The following ZNF609 variants were observed in gnomAD, a reference collection of about 807,000 sequenced individuals.
ZNF609 encodes zinc finger protein 609.
ZNF609 carries 11 observed loss-of-function variants against 109.5 expected under a neutral mutation model. The observed-to-expected ratio is 0.10, with a 90% CI of 0.06 to 0.17. ZNF609 has a LOEUF of 0.17. ZNF609 is among the 10% of genes least tolerant of loss of function. The probability of loss-of-function intolerance (pLI) is 1.00; values close to 1 mark genes in which losing one functional copy is unlikely to be tolerated. For missense variants in ZNF609, 1,559 were observed against 1,772.4 expected (o/e 0.88, Z 2.16); for synonymous variants, 646 against 662.0 (o/e 0.98, Z 0.37).
At chr15:64,589,111 A>G (rs1895252504) in intron 2 of ZNF609, among the ~76,000 whole-genome samples, 1 of 152,202 alleles carries the variant, frequency 6.6e-6, no homozygotes, top group South Asian at 2.1e-4. Context: ...GATGGAGCCC[A>G]GTGTAGACTG....
At chr15:64,565,037 A>T (rs532760042) in intron 2 of ZNF609, among the ~76,000 whole-genome samples, 1,938 of 145,834 alleles carry the variant, frequency 0.013, 33 homozygotes, top group African/African-American at 0.047. Context: ...TTTAGTAGAG[A>T]CGGGGTTTTC....
intron 3 of ZNF609, among the ~76,000 whole-genome samples, chr15:64,669,642 T>A (rs2141010833): frequency 6.6e-6 from 1 of 152,252 alleles, no homozygotes; most frequent in South Asian, 2.1e-4. Context: ...TAAGGCTACA[T>A]TACCTAGTCA....
chr15:64,614,436 G>A lies in ZNF609; in HGVS notation c.748-8391G>A, dbSNP rs184352547. ...TTTTTAGTAGAGATGGGGTTTCACC[G>A]TGTTAGCCAGGATGGTCTTGATCTC... On this transcript the variant is annotated intron_variant, in intron 2 of 9. Coordinates refer to ENST00000326648, the MANE Select transcript of ZNF609 (RefSeq NM_015042.2). Among the ~76,000 whole-genome samples the A allele has an allele frequency of 3.3e-3, 495 of 151,420 alleles. 1 individual carries two copies. The highest frequency in any genetic ancestry group is 0.011 in the African/African-American group (464 of 41,250).
chr15:64,671,908 T>C lies in ZNF609; in HGVS notation c.1061+1475T>C, dbSNP rs1746719128. ...AGGTATTTTAAAGTTCTTGATTCCA[T>C]ACCACTTTCTTATTCTCAGATGTGA... On this transcript the variant is annotated intron_variant, in intron 4 of 9. Coordinates refer to ENST00000326648, the MANE Select transcript of ZNF609 (RefSeq NM_015042.2). Among the ~76,000 whole-genome samples, 3 of 152,032 alleles carry C rather than the reference T, an allele frequency of 2.0e-5. 1 individual carries two copies. The South Asian group carries it at 6.2e-4, about 32-fold the overall frequency.
chr15:64,682,341 G>A lies in ZNF609; in HGVS notation c.*655G>A, dbSNP rs907733025. 1.3e-5 allele frequency: 2 copies of A among 152,670 alleles called. No homozygotes were observed. Among genetic ancestry groups the A allele is most frequent in the African/African-American group, 4.8e-5 (2 of 41,454 alleles). 9.5% of individuals were successfully genotyped at this position (152,670 alleles called of 1,614,324 possible). On this transcript the variant is annotated 3_prime_UTR_variant, in exon 10 of 10. Transcript: ENST00000326648. Reference sequence around the variant, plus strand: ...AACGCTCACAACCTAGCCTGGAAAGGAAGACCAAGGCATCTGCCCCAACAT... The same window carrying A: ...AACGCTCACAACCTAGCCTGGAAAGAAAGACCAAGGCATCTGCCCCAACAT...
intron 3 of ZNF609, chr15:64,653,118 T>C (rs1012500422): frequency 1.3e-5 from 2 of 152,238 alleles, no homozygotes; most frequent in Middle Eastern, 3.2e-3. Context: ...ATGCCTGATA[T>C]GACAGAGCTG....
intron 2 of ZNF609, among the ~76,000 whole-genome samples, chr15:64,609,666 C>G (rs1038551449): frequency 6.7e-6 from 1 of 149,808 alleles, no homozygotes; most frequent in African/African-American, 2.5e-5. Flanking sequence ...TAAACCAAGG[C>G]TCTTTAAGGT....
At chr15:64,535,261 G>A (rs1204166892) in intron 2 of ZNF609, among the ~76,000 whole-genome samples, 6 of 152,010 alleles carry the variant, frequency 3.9e-5, no homozygotes, top group Admixed American at 3.9e-4. Flanking sequence ...TGTTGCCCGG[G>A]CTGGTCTGGA....
At chr15:64,491,185 A>G (rs1459902850) in intron 1 of ZNF609, among the ~76,000 whole-genome samples, 3 of 152,204 alleles carry the variant, frequency 2.0e-5, no homozygotes, top group East Asian at 3.9e-4. Context: ...GTTTCTCATT[A>G]GAGCCCTAGG....
intron 2 of ZNF609, among the ~76,000 whole-genome samples, chr15:64,600,720 A>T (rs1031453911): frequency 1.3e-5 from 2 of 151,366 alleles, no homozygotes; most frequent in African/African-American, 4.9e-5. Context: ...AAAGGAAGGG[A>T]AAGAAAGAAA....
intron 3 of ZNF609, among the ~76,000 whole-genome samples, chr15:64,641,521 G>T (rs1475460807): frequency 6.6e-6 from 1 of 151,546 alleles, no homozygotes; most frequent in Non-Finnish European, 1.5e-5. Flanking sequence ...GCCTACACTT[G>T]TGCTTTCTTT....
At chr15:64,528,968 G>A (rs1192991799) in intron 2 of ZNF609, 2 of 1,456,192 alleles carry the variant, frequency 1.4e-6, no homozygotes, top group East Asian at 4.6e-5. Flanking sequence ...TTGGCAGTGG[G>A]GACATGGAAG....
At chr15:64,627,663 CTTTTTTTT>C (rs35293725) in intron 3 of ZNF609, among the ~76,000 whole-genome samples, 19 of 86,016 alleles carry the variant, frequency 2.2e-4, no homozygotes, top group South Asian at 8.8e-4. Flanking sequence ...TTTTTTCTTT[CTTTTTTTT>C]TTTTTTTTTT....
rs998353336 is a variant in ZNF609 at position 64,658,520 on chromosome 15, C to T, written c.974-11826C>T. Among the ~76,000 whole-genome samples, 11 of 152,022 alleles carry T rather than the reference C, an allele frequency of 7.2e-5. No individual in the cohort carries two copies. The South Asian group carries it at 2.1e-3, about 29-fold the overall frequency. ...CCTAACTTAAAAATTATTGAAGGGC[C>T]ACATACCATGGCTCACACTTATAAT... is the stretch of plus-strand genomic sequence containing the variant. On this transcript the variant is annotated intron_variant, in intron 3 of 9. Transcript: ENST00000326648.
chr15:64,674,296 A>G lies in ZNF609; in HGVS notation c.1442A>G (p.Glu481Gly). 1 of 1,614,186 alleles carries G rather than the reference A, an allele frequency of 6.2e-7. No homozygotes were observed. Among genetic ancestry groups the G allele is most frequent in the Non-Finnish European group, 8.5e-7 (1 of 1,180,038 alleles). Residue 481 changes from glutamate to glycine, a missense_variant, in exon 5 of 10, where the codon GAA (glutamate) becomes GGA (glycine). Physicochemically the swap from Glu to Gly is moderately conservative, Grantham distance 98. Coordinates refer to ENST00000326648, the MANE Select transcript of ZNF609 (RefSeq NM_015042.2). ...GGCCCCCTTCCTGGGACAAAGGTAG[A>G]ACCCACTGTTCTGGACAGAAACTGC... Reference protein sequence around the residue: ...ATGPLPGTKVEPTVLDRNCPS... With the variant: ...ATGPLPGTKVGPTVLDRNCPS...
intron 1 of ZNF609, among the ~76,000 whole-genome samples, chr15:64,472,858 AAAAT>A (rs1190308298): frequency 1.3e-5 from 2 of 152,154 alleles, no homozygotes; most frequent in Non-Finnish European, 2.9e-5. Context: ...AATAATAAAA[AAAAT>A]AAAGACCAAG....
At chr15:64,500,425 T>C (rs1329086824) in intron 2 of ZNF609, 1 of 701,688 alleles carries the variant, frequency 1.4e-6, no homozygotes, top group African/African-American at 1.7e-5. Context: ...GAATGAACTT[T>C]CTGTAGTCTG....
In ZNF609 at chr15:64,674,626, A is replaced by G; in HGVS notation, c.1772A>G (p.Lys591Arg). ...TTCAGCACAAAAGGCCTCTGTAAGA[A>G]AAAGTTGAGTGGGGAAGGGGACACA... The part of the protein sequence containing the change: ...SKFSTKGLCK[K>R]KLSGEGDTDL... The change falls in exon 5 of 10, where the codon AAA becomes AGA. Residue 591 changes from lysine (K) to arginine (R), a missense_variant. Lys to Arg is a conservative substitution (Grantham distance 26). Around this residue, in one of 4 missense-constraint regions of ZNF609, gnomAD observed 1,204 missense variants for 1,314.1 expected, o/e 0.92. Transcript: ENST00000326648. The G allele has an allele frequency of 6.2e-7, 1 of 1,614,180 alleles. No individual in the cohort carries two copies.
Position 64,674,378 on chromosome 15 carries a change from C to T in ZNF609, c.1524C>T (p.His508=), listed in dbSNP as rs1567044800. The change falls in exon 5 of 10, where the codon CAC becomes CAT. Residue 508 remains histidine, a synonymous_variant. Coordinates refer to ENST00000326648, the MANE Select transcript of ZNF609 (RefSeq NM_015042.2). The stretch of plus-strand genomic sequence containing the variant: ...CAAACTGCAACAAGAAGTACAAGCA[C>T]ATCAATGGACTTAAGTACCACCAAG... ...PHPNCNKKYK[H]INGLKYHQAH... 6.2e-7 allele frequency: 1 copy of T among 1,614,156 alleles called. No homozygotes were observed. Among genetic ancestry groups the T allele is most frequent in the Non-Finnish European group, 8.5e-7 (1 of 1,180,036 alleles).
Sources: gnomAD v4.1 joint callset for allele counts (sites outside exome capture counted in the v4.1 genomes callset) on GRCh38, gnomAD v4.1.1 for gene constraint, gnomAD v4.1.1 regional missense constraint, MANE v1.5 for transcripts, NCBI Gene and HGNC (gene_info 2026-07-23, HGNC 2026-07-21) for gene names.